Variants in IMMP2L observed in about 807,000 individuals in gnomAD.
The protein encoded by IMMP2L is inner mitochondrial membrane peptidase subunit 2.
In IMMP2L, 18 loss-of-function variants were observed where a neutral mutation model predicts 19.3. That is an observed-to-expected ratio of 0.93 (90% CI 0.64 to 1.38). IMMP2L has a LOEUF of 1.38. Among genes scored for constraint, IMMP2L ranks in the 40% most tolerant of loss-of-function variants. The pLI, the probability that IMMP2L is intolerant of heterozygous loss-of-function variation, is 0.00. For synonymous variants in IMMP2L, 76 were observed against 73.0 expected (o/e 1.04, Z -0.21); for missense variants, 233 against 218.2 (o/e 1.07, Z -0.43).
intron 3 of IMMP2L, among the ~76,000 whole-genome samples, chr7:111,081,101 C>G (rs1191902828): frequency 2.0e-5 from 3 of 152,144 alleles, no homozygotes; most frequent in African/African-American, 7.2e-5. Context: ...TTCTTTCATG[C>G]TTTCAAATTT....
chr7:110,689,039 C>G (rs1272769759), intron 5 of IMMP2L, among the ~76,000 whole-genome samples: 1 of 150,046 alleles, frequency 6.7e-6, no homozygotes, highest in African/African-American at 2.5e-5. Context: ...CTGCAACCAA[C>G]AAAATCAACA....
In IMMP2L at chr7:110,757,556, A is replaced by C. The variant is rs1798106673; in HGVS notation, c.409-93835T>G. Among the ~76,000 whole-genome samples, 1 of 152,024 alleles carries C rather than the reference A, an allele frequency of 6.6e-6. No homozygotes were observed. The highest frequency in any genetic ancestry group is 1.5e-5 in the Non-Finnish European group (1 of 68,006). On this transcript the variant is annotated intron_variant, in intron 5 of 5. Transcript: ENST00000405709. The surrounding 1 kb of genome is among the most constrained non-coding windows in gnomAD (Gnocchi z 4.2). ...GGCTTCCGATTTGGTACACATAATG[A>C]GGATCCCCAGTTGAAGTTCAAAGGT...
chr7:110,875,777 G>T (rs1317572566), intron 5 of IMMP2L, among the ~76,000 whole-genome samples: 2 of 152,054 alleles, frequency 1.3e-5, no homozygotes, highest in African/African-American at 4.8e-5. Context: ...TAAAACTTCA[G>T]CCTAATGTAG....
chr7:111,427,188 C>T (rs1310350947), intron 3 of IMMP2L, among the ~76,000 whole-genome samples: 2 of 144,894 alleles, frequency 1.4e-5, no homozygotes, highest in Non-Finnish European at 3.2e-5. Context: ...TATCAGTGGA[C>T]CTTCACCTCA....
At chr7:110,896,002 T>A (rs1435205618) in intron 4 of IMMP2L, among the ~76,000 whole-genome samples, 2 of 152,060 alleles carry the variant, frequency 1.3e-5, no homozygotes, top group Non-Finnish European at 2.9e-5. Context: ...AAAAAAATGT[T>A]TTAGAGATGG....
chr7:111,182,406 G>C (rs1044652655), intron 3 of IMMP2L, among the ~76,000 whole-genome samples: 1 of 151,962 alleles, frequency 6.6e-6, no homozygotes, highest in African/African-American at 2.4e-5. Flanking sequence ...AGAGGAGCCA[G>C]GTTGCCTCAG....
intron 3 of IMMP2L, among the ~76,000 whole-genome samples, chr7:111,225,527 T>C (rs1183122112): frequency 3.3e-5 from 5 of 152,016 alleles, no homozygotes; most frequent in Non-Finnish European, 5.9e-5. Flanking sequence ...AAAAAGTTCA[T>C]TGATATGGCA....
At chr7:110,780,183 T>A (rs1799643482) in intron 5 of IMMP2L, among the ~76,000 whole-genome samples, 1 of 151,526 alleles carries the variant, frequency 6.6e-6, no homozygotes, top group Non-Finnish European at 1.5e-5. Context: ...ATTTGAATGC[T>A]TGCACCAAAG....
chr7:110,707,011 T>C (rs1257024119), intron 5 of IMMP2L, among the ~76,000 whole-genome samples: 3 of 137,496 alleles, frequency 2.2e-5, no homozygotes, highest in African/African-American at 8.3e-5. Context: ...TTAATTTTTT[T>C]TTTTTTATTA....
intron 5 of IMMP2L, among the ~76,000 whole-genome samples, chr7:110,726,740 T>C (rs1795907884): frequency 6.6e-6 from 1 of 152,202 alleles, no homozygotes; most frequent in African/African-American, 2.4e-5. Context: ...TAGACTGGTG[T>C]CTGACCCATG....
chr7:110,842,540 ATTG>A (rs1805196952), intron 5 of IMMP2L, among the ~76,000 whole-genome samples: 1 of 152,160 alleles, frequency 6.6e-6, no homozygotes, highest in Non-Finnish European at 1.5e-5. Context: ...CTCAGGCTCT[ATTG>A]TTGTACGTGG....
At chr7:111,242,649 T>A (rs1013150938) in intron 3 of IMMP2L, among the ~76,000 whole-genome samples, 2 of 152,056 alleles carry the variant, frequency 1.3e-5, no homozygotes, top group African/African-American at 4.8e-5. Flanking sequence ...ATTACAATCC[T>A]TCTTCATTCT....
chr7:111,444,497 G>C (rs145866176), intron 3 of IMMP2L, among the ~76,000 whole-genome samples: 1 of 152,208 alleles, frequency 6.6e-6, no homozygotes, highest in East Asian at 1.9e-4. Context: ...ACTAAATAAA[G>C]ATTTAATATT....
At chr7:111,444,570 A>T (rs911516937) in intron 3 of IMMP2L, among the ~76,000 whole-genome samples, 27 of 152,152 alleles carry the variant, frequency 1.8e-4, no homozygotes, top group Non-Finnish European at 3.7e-4. Flanking sequence ...GAATTTTTTT[A>T]AATTATTTTT....
intron 4 of IMMP2L, among the ~76,000 whole-genome samples, chr7:110,932,484 G>A (rs1815604906): frequency 6.6e-6 from 1 of 152,094 alleles, no homozygotes; most frequent in African/African-American, 2.4e-5. Flanking sequence ...CTCCTGAGTA[G>A]CTGGGACTAC....
At chr7:110,928,332 C>T (rs2129551351) in intron 4 of IMMP2L, among the ~76,000 whole-genome samples, 1 of 142,712 alleles carries the variant, frequency 7.0e-6, no homozygotes, top group Middle Eastern at 3.8e-3. Flanking sequence ...TGTGTAGGTA[C>T]ATATGTGTAT....
At chr7:111,367,020 GA>G (rs1829831621) in intron 3 of IMMP2L, among the ~76,000 whole-genome samples, 1 of 151,190 alleles carries the variant, frequency 6.6e-6, no homozygotes, top group African/African-American at 2.4e-5. Context: ...AGCTTGAGGG[GA>G]AAAAAAGCAG....
chr7:111,281,225 AAAGAAAGAAAGAAAGAAAGAAG>A (rs1479651731), intron 3 of IMMP2L, among the ~76,000 whole-genome samples: 38 of 119,426 alleles, frequency 3.2e-4, no homozygotes, highest in East Asian at 2.9e-3. Flanking sequence ...AAAAAGAAAG[AAAGAAAGAAAGAAAGAAAGAAG>A]AGAGAGAGAG....
intron 5 of IMMP2L, among the ~76,000 whole-genome samples, chr7:110,815,046 T>C (rs185208137): frequency 4.6e-5 from 7 of 152,158 alleles, no homozygotes; most frequent in Admixed American, 3.3e-4. Context: ...AGGAGTACAA[T>C]ATAATAAATA....
Sources: allele counts gnomAD v4.1 joint callset (sites outside exome capture counted in the v4.1 genomes callset), GRCh38; gene constraint gnomAD v4.1.1; non-coding constraint Gnocchi (gnomAD v3.1); transcripts MANE v1.5; gene names NCBI Gene and HGNC (gene_info 2026-07-23, HGNC 2026-07-21).